The following RIMS2 variants were observed in gnomAD, a reference collection of about 807,000 sequenced individuals.
The protein encoded by RIMS2 is regulating synaptic membrane exocytosis protein 2.
RIMS2 carries 59 observed loss-of-function variants against 174.4 expected under a neutral mutation model. The observed-to-expected ratio is 0.34, with a 90% CI of 0.27 to 0.42. The LOEUF is 0.42. Ranked by LOEUF, RIMS2 falls within the 10% of genes least tolerant of loss-of-function variation. The pLI is 1.00. For synonymous variants in RIMS2, 606 were observed against 572.5 expected, an observed-to-expected ratio of 1.06 and a Z score of -0.84; for missense variants, 1,620 against 1,666.3, an observed-to-expected ratio of 0.97 and a Z score of 0.48.
At chr8:104,052,029 A>C (rs2096795502) in intron 19 of RIMS2, among the ~76,000 whole-genome samples, 1 of 152,208 alleles carries the variant, frequency 6.6e-6, no homozygotes. Context: ...TTCTAGACTG[A>C]AAACATTACT....
intron 1 of RIMS2, among the ~76,000 whole-genome samples, chr8:103,581,040 G>T (rs756493648): frequency 4.0e-5 from 6 of 151,538 alleles, no homozygotes; most frequent in Non-Finnish European, 7.4e-5. Context: ...CTGTGGTCTC[G>T]ATCTCCTGAC....
At chr8:103,725,357 A>G (rs553300412) in intron 2 of RIMS2, among the ~76,000 whole-genome samples, 14 of 152,214 alleles carry the variant, frequency 9.2e-5, no homozygotes, top group Non-Finnish European at 1.3e-4. Flanking sequence ...CCATCATCCT[A>G]GGAAGTTTAT....
chr8:104,016,825 C>A (rs989699897), intron 19 of RIMS2, among the ~76,000 whole-genome samples: 1 of 151,914 alleles, frequency 6.6e-6, no homozygotes, highest in Non-Finnish European at 1.5e-5. Flanking sequence ...GAAAACAGAG[C>A]CTATTGGTAA....
chr8:103,552,261 C>A (rs910778948), intron 1 of RIMS2, among the ~76,000 whole-genome samples: 2 of 152,028 alleles, frequency 1.3e-5, no homozygotes, highest in Non-Finnish European at 2.9e-5. Flanking sequence ...GATATATAGA[C>A]CAATGGAACA....
intron 3 of RIMS2, chr8:103,819,494 A>G (rs745397844): frequency 6.2e-7 from 1 of 1,611,678 alleles, no homozygotes; most frequent in Non-Finnish European, 8.5e-7. Flanking sequence ...GAAGGGGAAA[A>G]AAAAAGAAAG....
intron 6 of RIMS2, among the ~76,000 whole-genome samples, chr8:103,913,981 C>T (rs2076215608): frequency 6.6e-6 from 1 of 152,150 alleles, no homozygotes; most frequent in Non-Finnish European, 1.5e-5. Context: ...CATCCATGTG[C>T]TTGCACTCAA....
intron 6 of RIMS2, among the ~76,000 whole-genome samples, chr8:103,912,776 CTTTG>C (rs2075930617): frequency 6.6e-6 from 1 of 151,808 alleles, no homozygotes; most frequent in African/African-American, 2.4e-5. Flanking sequence ...TTAAATAGAG[CTTTG>C]TTTGTTTTTT....
chr8:103,745,719 A>G (rs1420778449), intron 2 of RIMS2, among the ~76,000 whole-genome samples: 1 of 152,180 alleles, frequency 6.6e-6, no homozygotes, highest in Non-Finnish European at 1.5e-5. Flanking sequence ...CCAGTGACTA[A>G]TGACATTGAG....
intron 17 of RIMS2, among the ~76,000 whole-genome samples, chr8:103,996,600 G>A (rs1287118898): frequency 6.6e-6 from 1 of 151,918 alleles, no homozygotes; most frequent in East Asian, 1.9e-4. Flanking sequence ...AGGAAATCCA[G>A]TACATTAAAT....
chr8:104,113,193 C>G (rs1185203321), intron 19 of RIMS2, among the ~76,000 whole-genome samples: 2 of 152,082 alleles, frequency 1.3e-5, no homozygotes, highest in Non-Finnish European at 2.9e-5. Context: ...AAATCAGGCT[C>G]ATAAACAAAA....
At chr8:104,195,890 A>G (rs2099021687) in intron 19 of RIMS2, among the ~76,000 whole-genome samples, 1 of 152,146 alleles carries the variant, frequency 6.6e-6, no homozygotes, top group African/African-American at 2.4e-5. Flanking sequence ...ACAAATGTGT[A>G]TAAATTTATT....
intron 1 of RIMS2, among the ~76,000 whole-genome samples, chr8:103,538,828 T>C (rs1418564305): frequency 1.3e-5 from 2 of 152,234 alleles, no homozygotes; most frequent in African/African-American, 2.4e-5. Flanking sequence ...ATCATTCTTA[T>C]GGCTTTGCGT....
intron 1 of RIMS2, among the ~76,000 whole-genome samples, chr8:103,666,319 A>G (rs371724429): frequency 6.6e-5 from 10 of 152,320 alleles, no homozygotes; most frequent in African/African-American, 2.4e-4. Context: ...CACTATGTAC[A>G]GAGAAACCTT....
chr8:103,602,011 C>G (rs986297137), intron 1 of RIMS2, among the ~76,000 whole-genome samples: 8 of 152,006 alleles, frequency 5.3e-5, no homozygotes, highest in African/African-American at 1.9e-4. Flanking sequence ...GTGTCTCACT[C>G]TTATTGCCCA....
chr8:103,635,527 G>C (rs2096055620), intron 1 of RIMS2, among the ~76,000 whole-genome samples: 1 of 152,242 alleles, frequency 6.6e-6, no homozygotes. Flanking sequence ...GGATCTTCCA[G>C]AACCTGGAGG....
intron 1 of RIMS2, among the ~76,000 whole-genome samples, chr8:103,569,343 T>G (rs912110254): frequency 6.6e-5 from 10 of 152,284 alleles, no homozygotes; most frequent in South Asian, 6.2e-4. Flanking sequence ...AATTTGTCAT[T>G]GATACAAGGG....
At chr8:103,772,255 A>G (rs1382794213) in intron 3 of RIMS2, among the ~76,000 whole-genome samples, 2 of 152,108 alleles carry the variant, frequency 1.3e-5, no homozygotes, top group Non-Finnish European at 1.5e-5. Flanking sequence ...GATTATTTAT[A>G]TAGAACATTA....
chr8:103,618,738 C>G (rs950094417), intron 1 of RIMS2, among the ~76,000 whole-genome samples: 11 of 152,110 alleles, frequency 7.2e-5, no homozygotes, highest in African/African-American at 2.7e-4. Context: ...TCACCCAGAT[C>G]ATTCAGTTCA....
At chr8:104,226,190 C>G (rs2099187144) in intron 19 of RIMS2, among the ~76,000 whole-genome samples, 1 of 152,156 alleles carries the variant, frequency 6.6e-6, no homozygotes, top group South Asian at 2.1e-4. Context: ...AGCAACTTGT[C>G]TAAAGAGCAC....
Sources: allele counts gnomAD v4.1 joint callset (sites outside exome capture counted in the v4.1 genomes callset), GRCh38; gene constraint gnomAD v4.1.1; transcripts MANE v1.5; gene names NCBI Gene and HGNC (gene_info 2026-07-23, HGNC 2026-07-21).